Variants in PAMR1 observed in about 807,000 individuals in gnomAD.
The protein encoded by PAMR1 is inactive serine protease PAMR1.
A neutral mutation model predicts 81.8 loss-of-function variants in PAMR1; 88 were observed. That is an observed-to-expected ratio of 1.08 (90% CI 0.91 to 1.28). The LOEUF (loss-of-function observed/expected upper bound fraction) is 1.28, where lower values mean the gene tolerates loss of function less well. Ranked by LOEUF, PAMR1 falls within the 50% of genes most tolerant of loss-of-function variation. PAMR1 has a pLI of 0.00. For synonymous variants in PAMR1, 336 were observed against 345.3 expected (o/e 0.97, Z 0.30); for missense variants, 935 against 919.7 (o/e 1.02, Z -0.21).
rs116587665 is a variant in PAMR1, at chr11:35,483,586, C to T, written c.379+8459G>A. Among the ~76,000 whole-genome samples the T allele has an allele frequency of 3.3e-3, 504 of 152,218 alleles. 4 individuals are homozygous for T. Among genetic ancestry groups the T allele is most frequent in the African/African-American group, 0.012 (485 of 41,550 alleles). On this transcript the variant is annotated intron_variant, in intron 3 of 10. Coordinates refer to ENST00000619888, the MANE Select transcript of PAMR1 (RefSeq NM_001001991.3). ...TTCCTGCACTTGCCCTGCCCCCAAC[C>T]GCAGCAGCTGCCTTCAAGTATGAAG...
intron 8 of PAMR1, 43 bp from the exon 9 acceptor site, chr11:35,436,178 GAA>G: frequency 7.7e-7 from 1 of 1,303,078 alleles, no homozygotes; most frequent in Non-Finnish European, 1.1e-6. Context: ...CAGGGTGAGA[GAA>G]AGTCACTGTG....
intron 3 of PAMR1, among the ~76,000 whole-genome samples, chr11:35,489,819 C>A (rs894359421): frequency 2.0e-5 from 3 of 152,212 alleles, no homozygotes; most frequent in African/African-American, 7.2e-5. Context: ...CTGTCATTAA[C>A]TGTTCTGTTA....
chr11:35,493,515 C>A (rs1850667183), intron 2 of PAMR1, among the ~76,000 whole-genome samples: 1 of 152,110 alleles, frequency 6.6e-6, no homozygotes, highest in Admixed American at 6.6e-5. Flanking sequence ...TTGCATCTCC[C>A]AAAACCCATG....
rs562370665 is a variant in PAMR1 at position 35,522,600 on chromosome 11, C to T, written c.73+2913G>A. On this transcript the variant is annotated intron_variant, in intron 1 of 10. Transcript: ENST00000619888. ...TGTATCTTGTTTATCAATGGACATT[C>T]GGGTTGTTTCCACCTTTTGGCTATT... 9.2e-5 allele frequency among the ~76,000 whole-genome samples: 14 copies of T among 152,290 alleles called. No homozygotes were observed. The East Asian group carries it at 2.1e-3, about 23-fold the overall frequency.
At chr11:35,455,543 T>C (rs1856510906) in intron 6 of PAMR1, among the ~76,000 whole-genome samples, 1 of 152,334 alleles carries the variant, frequency 6.6e-6, no homozygotes, top group East Asian at 1.9e-4. Flanking sequence ...TGAATATATG[T>C]CTTTTCCTTT....
At chr11:35,504,026 T>C in intron 1 of PAMR1, among the ~76,000 whole-genome samples, 1 of 152,156 alleles carries the variant, frequency 6.6e-6, no homozygotes, top group East Asian at 1.9e-4. Flanking sequence ...ATATGGCCTT[T>C]ATTATTTTGG....
chr11:35,527,353 T>C (rs1292533764), upstream of PAMR1, among the ~76,000 whole-genome samples: 1 of 152,214 alleles, frequency 6.6e-6, no homozygotes, highest in African/African-American at 2.4e-5. Flanking sequence ...GTAAGGCCCA[T>C]AGCACAGAGC....
chr11:35,442,605 C>A (rs1856196980), intron 6 of PAMR1, among the ~76,000 whole-genome samples: 2 of 150,752 alleles, frequency 1.3e-5, no homozygotes, highest in African/African-American at 4.9e-5. Context: ...TTTTCTTTTT[C>A]TTTTTTTATT....
chr11:35,511,343 T>C (rs1396381600), intron 1 of PAMR1, among the ~76,000 whole-genome samples: 1 of 152,228 alleles, frequency 6.6e-6, no homozygotes, highest in Non-Finnish European at 1.5e-5. Flanking sequence ...GTCTTCAACA[T>C]TATATTTTAA....
At chr11:35,519,704 T>A (rs1851236326) in intron 1 of PAMR1, among the ~76,000 whole-genome samples, 1 of 152,122 alleles carries the variant, frequency 6.6e-6, no homozygotes, top group Admixed American at 6.5e-5. Flanking sequence ...CCACTCCACC[T>A]CCACAGAGGT....
intron 4 of PAMR1, among the ~76,000 whole-genome samples, chr11:35,472,275 C>T (rs191087084): frequency 8.5e-5 from 13 of 152,340 alleles, no homozygotes; most frequent in Middle Eastern, 3.4e-3. Context: ...TACCACCTGA[C>T]AGAAGCCACA....
At chr11:35,488,205 T>A (rs1030048003) in intron 3 of PAMR1, among the ~76,000 whole-genome samples, 1 of 147,138 alleles carries the variant, frequency 6.8e-6, no homozygotes, top group African/African-American at 2.5e-5. Flanking sequence ...ATCTTTTTTT[T>A]TTTTTTTTTT....
At chr11:35,507,414 C>CAAAT (rs35789005) in intron 1 of PAMR1, among the ~76,000 whole-genome samples, 67,697 of 151,610 alleles carry the variant, frequency 0.45, 15,466 homozygotes, top group East Asian at 0.68. Context: ...TTGAAAGCCT[C>CAAAT]AAATTTTTCA....
chr11:35,494,990 C>T (rs746569410), intron 1 of PAMR1, among the ~76,000 whole-genome samples: 28 of 123,664 alleles, frequency 2.3e-4, no homozygotes, highest in Middle Eastern at 3.7e-3. Flanking sequence ...CCACTGTTTA[C>T]GACTACATAG....
intron 1 of PAMR1, among the ~76,000 whole-genome samples, chr11:35,520,512 A>T (rs916259817): frequency 2.6e-5 from 4 of 152,182 alleles, no homozygotes; most frequent in Non-Finnish European, 4.4e-5. Flanking sequence ...AATCTAATAG[A>T]GTTTCTGCCA....
intron 6 of PAMR1, among the ~76,000 whole-genome samples, chr11:35,458,376 C>T (rs1856578492): frequency 6.6e-6 from 1 of 152,126 alleles, no homozygotes; most frequent in Non-Finnish European, 1.5e-5. Flanking sequence ...TATTTGTACC[C>T]TGCTTGCTTT....
chr11:35,438,657 T>G (rs529674341), intron 8 of PAMR1, among the ~76,000 whole-genome samples: 1 of 152,190 alleles, frequency 6.6e-6, no homozygotes, highest in African/African-American at 2.4e-5. Flanking sequence ...AAACAGATAA[T>G]GTTCCTGCAC....
rs548021969 is a variant in PAMR1, at chr11:35,491,739, G to A, written c.379+306C>T. ...CAACATTTCTGAAGACTTATTCACT[G>A]TTTGCTGACCAAGGCTACCATGCAA... On this transcript the variant is annotated intron_variant, in intron 3 of 10. Transcript: ENST00000619888. 3.9e-5 allele frequency among the ~76,000 whole-genome samples: 6 copies of A among 152,296 alleles called. No individual in the cohort carries two copies. The South Asian group carries it at 1.2e-3, about 32-fold the overall frequency.
chr11:35,436,251 C>G, intron 8 of PAMR1, 116 bp from the exon 9 acceptor site: 1 of 660,760 alleles, frequency 1.5e-6, no homozygotes, highest in Non-Finnish European at 2.7e-6. Flanking sequence ...CAGAAAAAAT[C>G]TCTGTCTCTG....
Sources: gnomAD v4.1 joint callset for allele counts (sites outside exome capture counted in the v4.1 genomes callset) on GRCh38, gnomAD v4.1.1 for gene constraint, MANE v1.5 for transcripts, NCBI Gene and HGNC (gene_info 2026-07-23, HGNC 2026-07-21) for gene names.